KLHL4: variants seen among roughly 807,000 people sequenced by gnomAD.
The protein encoded by KLHL4 is kelch-like protein 4.
In KLHL4, 17 loss-of-function variants were observed where a neutral mutation model predicts 45.8. The ratio of observed to expected loss-of-function variants is 0.37; its 90% CI spans 0.25 to 0.56. The LOEUF (loss-of-function observed/expected upper bound fraction) is 0.56. KLHL4 is among the 20% of genes least tolerant of loss of function. KLHL4 has a pLI of 0.79. For synonymous variants in KLHL4, 224 were observed against 189.9 expected (o/e 1.18, Z -1.47); for missense variants, 544 against 544.9 (o/e 1.00, Z 0.02).
chrX:87,525,117 A>G lies in KLHL4; in HGVS notation c.422+6802A>G, dbSNP rs1931082777. Reference sequence around the variant, plus strand: ...GTTAGCTAAAGTTCTGATAACATCTAGTAACTACATGCAGTATCAAATCTG... The same window carrying G: ...GTTAGCTAAAGTTCTGATAACATCTGGTAACTACATGCAGTATCAAATCTG... On this transcript the variant is annotated intron_variant, in intron 1 of 10. Coordinates refer to ENST00000373119, the MANE Select transcript of KLHL4 (RefSeq NM_019117.5). Among the ~76,000 whole-genome samples the G allele has an allele frequency of 2.7e-5, 3 of 112,177 alleles. No individual in the cohort carries two copies. The South Asian group carries it at 1.1e-3, about 41-fold the overall frequency.
chrX:87,648,008 A>C (rs756613524), intron 9 of KLHL4, among the ~76,000 whole-genome samples: 1 of 111,400 alleles, frequency 9.0e-6, no homozygotes, highest in Admixed American at 9.6e-5. Context: ...GTATTTTATT[A>C]ATATACAGAA....
intron 1 of KLHL4, among the ~76,000 whole-genome samples, chrX:87,576,892 G>C (rs975120612): frequency 4.5e-5 from 5 of 111,566 alleles, no homozygotes; most frequent in African/African-American, 1.6e-4. Flanking sequence ...TAACCTGCTA[G>C]ATTGAAATGA....
intron 9 of KLHL4, among the ~76,000 whole-genome samples, chrX:87,661,247 G>A (rs1474360012): frequency 9.0e-6 from 1 of 111,459 alleles, no homozygotes; most frequent in East Asian, 2.8e-4. Context: ...TTGGGGCTTC[G>A]TGGTAAAACT....
At chrX:87,623,335 C>T (rs1456338327) in intron 5 of KLHL4, among the ~76,000 whole-genome samples, 1 of 76,786 alleles carries the variant, frequency 1.3e-5, no homozygotes, top group African/African-American at 5.2e-5. Context: ...TGCTCTGTTG[C>T]CAGGCTGGAG....
chrX:87,560,098 G>A (rs942256231), intron 1 of KLHL4, among the ~76,000 whole-genome samples: 4 of 111,457 alleles, frequency 3.6e-5, no homozygotes, highest in African/African-American at 1.3e-4. Flanking sequence ...TTTATGTTAA[G>A]ATCAGGTCCA....
At chrX:87,650,866 C>T (rs778855797) in intron 9 of KLHL4, among the ~76,000 whole-genome samples, 27 of 111,535 alleles carry the variant, frequency 2.4e-4, no homozygotes, top group East Asian at 5.7e-4. Context: ...ACTTCTTACA[C>T]GGTAGCAGCA....
intron 4 of KLHL4, among the ~76,000 whole-genome samples, chrX:87,619,991 T>C (rs940600198): frequency 4.5e-5 from 5 of 111,737 alleles, no homozygotes; most frequent in Non-Finnish European, 9.4e-5. Context: ...GTAGATTGCC[T>C]TCCCTAATGT....
intron 1 of KLHL4, among the ~76,000 whole-genome samples, chrX:87,530,420 C>A (rs1931232907): frequency 1.5e-5 from 1 of 67,103 alleles, no homozygotes; most frequent in Non-Finnish European, 2.7e-5. Flanking sequence ...TCCCTCCCCC[C>A]TCCCCCCACC....
At chrX:87,574,353 A>G (rs1337162079) in intron 1 of KLHL4, among the ~76,000 whole-genome samples, 2 of 111,652 alleles carry the variant, frequency 1.8e-5, no homozygotes, top group African/African-American at 6.5e-5. Context: ...ACAAGAGTTC[A>G]AATTATGCTT....
At chrX:87,538,548 G>T (rs1453868036) in intron 1 of KLHL4, among the ~76,000 whole-genome samples, 1 of 111,594 alleles carries the variant, frequency 9.0e-6, no homozygotes, top group Non-Finnish European at 1.9e-5. Flanking sequence ...CTAATTAAAT[G>T]AGAAAACTTT....
chrX:87,661,034 T>C (rs1432401608), intron 9 of KLHL4, among the ~76,000 whole-genome samples: 1 of 112,136 alleles, frequency 8.9e-6, no homozygotes, highest in Non-Finnish European at 1.9e-5. Flanking sequence ...AATAAGAAGC[T>C]GTGAAGGTTT....
chrX:87,591,288 T>A (rs4828184), intron 1 of KLHL4, among the ~76,000 whole-genome samples: 14,904 of 111,629 alleles, frequency 0.13, 1,090 homozygotes, highest in Admixed American at 0.34. Flanking sequence ...GTATGTCTTA[T>A]TTTGAGAAAT....
At chrX:87,657,898 G>T (rs185964214) in intron 9 of KLHL4, among the ~76,000 whole-genome samples, 1 of 111,878 alleles carries the variant, frequency 8.9e-6, no homozygotes, top group Non-Finnish European at 1.9e-5. Flanking sequence ...GTGAAAAAAA[G>T]TAGTTCTCAG....
chrX:87,554,599 C>T (rs1931923793), intron 1 of KLHL4, among the ~76,000 whole-genome samples: 1 of 105,708 alleles, frequency 9.5e-6, no homozygotes, highest in Non-Finnish European at 1.9e-5. Flanking sequence ...AGTTGCTTAT[C>T]AGCTTAAAGA....
intron 9 of KLHL4, among the ~76,000 whole-genome samples, chrX:87,644,947 C>G (rs1385357770): frequency 1.8e-5 from 2 of 111,792 alleles, no homozygotes; most frequent in Non-Finnish European, 3.8e-5. Context: ...TATAAAAATT[C>G]TAAAAGATAA....
Position 87,668,292 on chromosome X carries a change from T to C in KLHL4, c.*1758T>C. 1 of 753,842 alleles carries C rather than the reference T, an allele frequency of 1.3e-6. No homozygotes were observed. The highest frequency in any genetic ancestry group is 1.6e-6 in the Non-Finnish European group (1 of 638,736). The allele number at this position is 753,842 out of a possible 1,213,427, so 62.1% of individuals were successfully genotyped here. On this transcript the variant is annotated 3_prime_UTR_variant, in exon 11 of 11. Coordinates refer to ENST00000373119, the MANE Select transcript of KLHL4 (RefSeq NM_019117.5). ...CAGTGGAAAAGATCAAAGGACCTTT[T>C]GCAGCCTAGCTTGCCAATCTTCCAG... is the stretch of plus-strand genomic sequence containing the variant.
chrX:87,658,023 C>T (rs1924051741), intron 9 of KLHL4, among the ~76,000 whole-genome samples: 1 of 112,214 alleles, frequency 8.9e-6, no homozygotes, highest in Non-Finnish European at 1.9e-5. Context: ...TGAGACCTGC[C>T]TTGCTTCCTG....
At chrX:87,561,785 A>G (rs1360635975) in intron 1 of KLHL4, among the ~76,000 whole-genome samples, 1 of 109,133 alleles carries the variant, frequency 9.2e-6, no homozygotes, top group East Asian at 2.9e-4. Context: ...AGAGAACTTT[A>G]TCTTGCAATC....
intron 1 of KLHL4, among the ~76,000 whole-genome samples, chrX:87,563,606 C>CAAA (rs760968363): frequency 1.7e-5 from 1 of 60,292 alleles, no homozygotes; most frequent in Non-Finnish European, 3.4e-5. Context: ...CCAAAGGAGA[C>CAAA]AAAAAAAAAA....
Sources: gnomAD v4.1 joint callset for allele counts (sites outside exome capture counted in the v4.1 genomes callset) on GRCh38, gnomAD v4.1.1 for gene constraint, MANE v1.5 for transcripts, NCBI Gene and HGNC (gene_info 2026-07-23, HGNC 2026-07-21) for gene names.